The following KCTD2 variants were observed in gnomAD, a reference collection of about 807,000 sequenced individuals.
KCTD2 encodes potassium channel tetramerization domain containing 2.
Under a neutral mutation model 27.9 loss-of-function variants are expected in KCTD2, and 18 were observed. The ratio of observed to expected loss-of-function variants is 0.64; its 90% CI spans 0.45 to 0.96. The LOEUF (loss-of-function observed/expected upper bound fraction) is 0.96, where lower values mean the gene tolerates loss of function less well. Ranked by LOEUF, KCTD2 falls within the 40% of genes least tolerant of loss-of-function variation. KCTD2 has a pLI of 0.00. For missense variants in KCTD2, 280 were observed against 348.0 expected (o/e 0.80, Z 1.56); for synonymous variants, 175 against 148.4 (o/e 1.18, Z -1.30).
At chr17:75,035,893 G>T (rs916377950) in intron 3 of KCTD2, among the ~76,000 whole-genome samples, 6 of 152,124 alleles carry the variant, frequency 3.9e-5, no homozygotes, top group African/African-American at 1.4e-4. Flanking sequence ...GGCAGTGGGG[G>T]TGCTGCCCAA....
At chr17:75,055,766 A>G (rs1475592135) in intron 3 of KCTD2, among the ~76,000 whole-genome samples, 1 of 151,508 alleles carries the variant, frequency 6.6e-6, no homozygotes, top group African/African-American at 2.4e-5. Flanking sequence ...CGGGAGGAGG[A>G]GGTTGTGGTG....
Position 75,062,102 on chromosome 17 carries a change from G to C in KCTD2, c.637-18G>C, listed in dbSNP as rs978980118. ...TAAGATTGCCACATGAATGTTCACT[G>C]TATTCTTGGTTCATCAGCTCATCAG... is the stretch of plus-strand genomic sequence containing the variant. On this transcript the variant is annotated intron_variant, in intron 4 of 5. Transcript: ENST00000322444. 6.2e-7 allele frequency: 1 copy of C among 1,613,474 alleles called. No individual in the cohort carries two copies. The highest frequency in any genetic ancestry group is 1.3e-5 in the African/African-American group (1 of 74,898).
rs1476875792 is a variant in KCTD2, at chr17:75,055,615, C to A, written c.540+2510C>A. Among the ~76,000 whole-genome samples the A allele has an allele frequency of 3.3e-5, 5 of 151,864 alleles. No individual in the cohort carries two copies. In the East Asian group the frequency reaches 9.9e-4, roughly 30 times the overall value. ...TTGGGAGGCCGAGGCAGGTGGATCA[C>A]CTGAGGTCAGGAGTTCAAGACGAGC... On this transcript the variant is annotated intron_variant, in intron 3 of 5. Transcript: ENST00000322444.
chr17:75,039,149 G>C, intron 3 of KCTD2: 3 of 1,611,824 alleles, frequency 1.9e-6, no homozygotes, highest in South Asian at 1.1e-5. Flanking sequence ...CCAGGTGAAA[G>C]ATGTGTGGTC....
intron 3 of KCTD2, among the ~76,000 whole-genome samples, chr17:75,037,767 AGGCTGGAT>A (rs2073117923): frequency 6.6e-6 from 1 of 152,196 alleles, no homozygotes; most frequent in Admixed American, 6.5e-5. Flanking sequence ...CTCCATGTTC[AGGCTGGAT>A]GCAGTGGCCC....
chr17:75,060,497 G>A, intron 4 of KCTD2: 2 of 1,612,216 alleles, frequency 1.2e-6, no homozygotes, highest in South Asian at 1.1e-5. Context: ...GAACTAACCA[G>A]ACAACAGCGC....
rs2073109569 is a variant in KCTD2 at position 75,037,076 on chromosome 17, G to T, written c.-259+1719G>T. 2.6e-5 allele frequency among the ~76,000 whole-genome samples: 4 copies of T among 152,178 alleles called. 1 individual carries two copies. The highest frequency in any genetic ancestry group is 2.0e-4 in the Admixed American group (3 of 15,278). ...CCTGCAAAAATGGGCCAGGTGCGGTGGCTCACGCCTGAAACCCCAGCACTT... is the reference window on the plus strand; with the variant it reads ...CCTGCAAAAATGGGCCAGGTGCGGTTGCTCACGCCTGAAACCCCAGCACTT... On this transcript the variant is annotated intron_variant, in intron 3 of 7. Transcript: ENST00000581589.
At position 75,053,580 on chromosome 17, in the gene KCTD2, A is replaced by T. The variant is rs111447925; in HGVS notation, c.540+475A>T. ...CTCAGCCTCCCGTGTAGCTGGGACTACAGGTGTGTGCCACCACGCCTGACT... is the reference window on the plus strand; with the variant it reads ...CTCAGCCTCCCGTGTAGCTGGGACTTCAGGTGTGTGCCACCACGCCTGACT... On this transcript the variant is annotated intron_variant, in intron 3 of 5. Coordinates refer to ENST00000322444, the MANE Select transcript of KCTD2 (RefSeq NM_015353.3). 4.6e-5 allele frequency among the ~76,000 whole-genome samples: 7 copies of T among 152,174 alleles called. 1 individual carries two copies. The highest frequency in any genetic ancestry group is 1.7e-4 in the African/African-American group (7 of 41,514).
intron 4 of KCTD2, among the ~76,000 whole-genome samples, chr17:75,061,750 T>C (rs773072576): frequency 2.6e-5 from 4 of 152,158 alleles, no homozygotes; most frequent in Non-Finnish European, 4.4e-5. Flanking sequence ...CTTCTGCTGA[T>C]AGAGGAGCCA....
chr17:75,054,230 C>A (rs895593587), intron 3 of KCTD2, among the ~76,000 whole-genome samples: 13 of 151,966 alleles, frequency 8.6e-5, no homozygotes, highest in South Asian at 2.1e-4. Flanking sequence ...CCAGGCTGGT[C>A]TCAAACTCCT....
At chr17:75,056,308 A>G (rs1346042079) in intron 3 of KCTD2, among the ~76,000 whole-genome samples, 1 of 152,156 alleles carries the variant, frequency 6.6e-6, no homozygotes, top group African/African-American at 2.4e-5. Context: ...ATCTTTCACT[A>G]TTGTAGATAT....
chr17:75,036,168 C>T (rs1336771551), intron 3 of KCTD2: 1 of 371,864 alleles, frequency 2.7e-6, no homozygotes, highest in Non-Finnish European at 5.5e-6. Context: ...ATTCTCCTGC[C>T]TCATCCTCCC....
intron 3 of KCTD2, chr17:75,038,733 G>C: frequency 1.7e-6 from 1 of 574,386 alleles, no homozygotes. Flanking sequence ...TACACAGCCC[G>C]TCAGACAACC....
intron 3 of KCTD2, chr17:75,039,847 C>A (rs1331365343): frequency 1.7e-5 from 9 of 516,154 alleles, no homozygotes; most frequent in Non-Finnish European, 2.7e-5. Context: ...CCACTGTAGA[C>A]AAACTACATT....
At position 75,042,107 on chromosome 17, in the gene KCTD2, G is replaced by A. The variant is rs754617252; in HGVS notation, c.-259+6750G>A. On this transcript the variant is annotated intron_variant, in intron 3 of 7. Coordinates refer to the KCTD2 transcript ENST00000581589. ...GGGATCTGGCTGTCATGCTGTGTAT[G>A]TAATTATCCCTGTTCCTGCTCCCTA... 2,239 of 1,310,260 alleles carry A rather than the reference G, an allele frequency of 1.7e-3. 6 individuals carry two copies. The highest frequency in any genetic ancestry group is 1.8e-3 in the Non-Finnish European group (1,646 of 927,620). 81.2% of individuals were successfully genotyped at this position (1,310,260 alleles called of 1,614,324 possible).
intron 2 of KCTD2, chr17:75,035,131 A>G (rs183694881): frequency 6.6e-6 from 1 of 152,086 alleles, no homozygotes; most frequent in Non-Finnish European, 1.5e-5. Context: ...GGCCTAATGG[A>G]TAAGGCGTCT....
At chr17:75,042,096 A>G (rs922064852) in intron 3 of KCTD2, 21 of 1,193,038 alleles carry the variant, frequency 1.8e-5, no homozygotes, top group Middle Eastern at 2.7e-4. Flanking sequence ...TCTGGCTGTC[A>G]TGCTGTGTAT....
chr17:75,052,249 A>G (rs973493080), intron 2 of KCTD2, among the ~76,000 whole-genome samples: 8 of 152,204 alleles, frequency 5.3e-5, no homozygotes, highest in Admixed American at 3.3e-4. Context: ...TAGCAAAGAG[A>G]TATTTCCTAG....
chr17:75,060,255 A>C (rs2073390458), intron 4 of KCTD2, among the ~76,000 whole-genome samples: 1 of 152,058 alleles, frequency 6.6e-6, no homozygotes, highest in South Asian at 2.1e-4. Context: ...TGGAAAGTCA[A>C]ATCCCTTTCT....
Sources: gnomAD v4.1 joint callset for allele counts (sites outside exome capture counted in the v4.1 genomes callset) on GRCh38, gnomAD v4.1.1 for gene constraint, MANE v1.5 for transcripts, NCBI Gene and HGNC (gene_info 2026-07-23, HGNC 2026-07-21) for gene names.